ZNF22: variants seen among roughly 807,000 people sequenced by gnomAD.
The protein encoded by ZNF22 is zinc finger protein 22.
A neutral mutation model predicts 17.0 loss-of-function variants in ZNF22; 15 were observed. The observed-to-expected ratio is 0.88, with a 90% CI of 0.59 to 1.36. The LOEUF (loss-of-function observed/expected upper bound fraction) is 1.36. Ranked by LOEUF, ZNF22 falls within the 40% of genes most tolerant of loss-of-function variation. The pLI is 0.00. For missense variants in ZNF22, 272 were observed against 276.1 expected (o/e 0.98, Z 0.11); for synonymous variants, 84 against 90.7 (o/e 0.93, Z 0.42).
rs913714708 is a variant in ZNF22 at position 45,004,959 on chromosome 10, G to C, written c.*916G>C. The C allele has an allele frequency of 2.4e-5, 4 of 167,072 alleles. No individual in the cohort carries two copies. Among genetic ancestry groups the C allele is most frequent in the Non-Finnish European group, 4.4e-5 (3 of 68,128 alleles). The allele number at this position is 167,072 out of a possible 1,614,324, so 10.3% of individuals were successfully genotyped here. On this transcript the variant is annotated 3_prime_UTR_variant, in exon 2 of 2. Transcript: ENST00000298299. ...ATTTTACCAAGAAAAATCTCAGCTT[G>C]CTTACTGCTTAATTAAAAACCTACA...
Position 45,003,572 on chromosome 10 carries a change from A to G in ZNF22, c.204A>G (p.Ser68=), listed in dbSNP as rs1842351006. The part of the protein sequence containing the change: ...TECEKSFSQS[S]TLFQHQKIHT... The stretch of plus-strand genomic sequence containing the variant: ...GTGAAAAGAGTTTCAGTCAGAGTTC[A>G]ACTCTTTTTCAACACCAGAAGATCC... The change falls in exon 2 of 2, where the codon TCA becomes TCG. Residue 68 remains serine, a synonymous_variant. Coordinates refer to ENST00000298299, the MANE Select transcript of ZNF22 (RefSeq NM_006963.5). 1.9e-6 allele frequency: 3 copies of G among 1,614,102 alleles called. No homozygotes were observed. The highest frequency in any genetic ancestry group is 3.3e-5 in the Admixed American group (2 of 60,012).
chr10:45,002,621 G>A (rs892929129), intron 1 of ZNF22: 1 of 152,152 alleles, frequency 6.6e-6, no homozygotes, highest in Non-Finnish European at 1.5e-5. Flanking sequence ...ATAATAAAGC[G>A]TGTCTTCATA....
Position 45,000,991 on chromosome 10 carries a change from G to T in ZNF22, c.-90+13G>T. On this transcript the variant is annotated intron_variant, in intron 1 of 1. Coordinates refer to ENST00000298299, the MANE Select transcript of ZNF22 (RefSeq NM_006963.5). ...CTGGTCCCGCGCGGTGAGTGGGATTGGGGCACTTGGGGCGCTCGGGGCCTG... is the reference window on the plus strand; with the variant it reads ...CTGGTCCCGCGCGGTGAGTGGGATTTGGGCACTTGGGGCGCTCGGGGCCTG... The T allele has an allele frequency of 2.0e-6, 1 of 504,546 alleles. No homozygotes were observed. The highest frequency in any genetic ancestry group is 2.7e-6 in the Non-Finnish European group (1 of 365,022). 31.3% of individuals were successfully genotyped at this position (504,546 alleles called of 1,614,324 possible).
Position 45,003,832 on chromosome 10 carries a change from T to C in ZNF22, c.464T>C (p.Ile155Thr), listed in dbSNP as rs759504530. The change falls in exon 2 of 2, where the codon ATT (isoleucine) becomes ACT (threonine). Residue 155 changes from isoleucine (I) to threonine (T), a missense_variant. By Grantham distance (89) the Ile-to-Thr change is moderately conservative. Coordinates refer to ENST00000298299, the MANE Select transcript of ZNF22 (RefSeq NM_006963.5). Reference sequence around the variant, plus strand: ...TGTTTCAGCCAGAGCTCCCACCTTATTCAACATCAGAGAACCCACACTGGG... The same window carrying C: ...TGTTTCAGCCAGAGCTCCCACCTTACTCAACATCAGAGAACCCACACTGGG... ...GRCFSQSSHL[I>T]QHQRTHTGEK... 23 of 1,614,014 alleles carry C rather than the reference T, an allele frequency of 1.4e-5. No homozygotes were observed. The highest frequency in any genetic ancestry group is 1.3e-4 in the Admixed American group (8 of 60,004).
chr10:45,001,790 G>A (rs115467926), intron 1 of ZNF22, among the ~76,000 whole-genome samples: 2,079 of 152,066 alleles, frequency 0.014, 61 homozygotes, highest in African/African-American at 0.046. Context: ...TGCCTCATCC[G>A]TAGGTGGATT....
chr10:45,005,061 T>A lies in ZNF22; in HGVS notation c.*1018T>A, dbSNP rs1452578400. On this transcript the variant is annotated 3_prime_UTR_variant, in exon 2 of 2. Transcript: ENST00000298299. The stretch of plus-strand genomic sequence containing the variant: ...AAATGTTTGTCAACAACAAGAGTCG[T>A]AATGTGTCAGTACATTGTAGCTCCT... The A allele has an allele frequency of 6.0e-6, 1 of 166,962 alleles. No individual in the cohort carries two copies. The highest frequency in any genetic ancestry group is 1.5e-5 in the Non-Finnish European group (1 of 68,124). The allele number at this position is 166,962 out of a possible 1,614,324, so 10.3% of individuals were successfully genotyped here. A position where few individuals can be genotyped will look rare whatever the true frequency, so the allele number is the denominator to read the frequency against.
At position 45,003,853 on chromosome 10, in the gene ZNF22, C is replaced by A. The variant is rs146146132; in HGVS notation, c.485C>A (p.Thr162Asn). The change falls in exon 2 of 2, where the codon ACT becomes AAT. Residue 162 changes from threonine to asparagine, a missense_variant. By Grantham distance (65) the Thr-to-Asn change is moderately conservative. Transcript: ENST00000298299. Reference sequence around the variant, plus strand: ...CTTATTCAACATCAGAGAACCCACACTGGGGAGAAACCCTACCAGTGCAGT... The same window carrying A: ...CTTATTCAACATCAGAGAACCCACAATGGGGAGAAACCCTACCAGTGCAGT... ...SHLIQHQRTH[T>N]GEKPYQCSEC... 3.2e-4 allele frequency: 518 copies of A among 1,614,044 alleles called. No individual in the cohort carries two copies. The highest frequency in any genetic ancestry group is 4.2e-4 in the Non-Finnish European group (493 of 1,180,020).
Position 45,004,110 on chromosome 10 carries a change from A to G in ZNF22, c.*67A>G. On this transcript the variant is annotated 3_prime_UTR_variant, in exon 2 of 2. Transcript: ENST00000298299. Reference sequence around the variant, plus strand: ...AAATAAAAAGTAAAAAATGAAAGGAATCTTTTTTAGAAATAGAGATGCTTT... The same window carrying G: ...AAATAAAAAGTAAAAAATGAAAGGAGTCTTTTTTAGAAATAGAGATGCTTT... 1 of 1,468,790 alleles carries G rather than the reference A, an allele frequency of 6.8e-7. No homozygotes were observed. Among genetic ancestry groups the G allele is most frequent in the South Asian group, 1.4e-5 (1 of 71,984 alleles). 91.0% of individuals were successfully genotyped at this position (1,468,790 alleles called of 1,614,324 possible). A position where few individuals can be genotyped will look rare whatever the true frequency, so the allele number is the denominator to read the frequency against.
chr10:45,003,270 C>G lies in ZNF22; in HGVS notation c.-89-10C>G. On this transcript the variant is annotated splice_polypyrimidine_tract_variant and intron_variant, in intron 1 of 1. Transcript: ENST00000298299. ...GATCATCTCTAAATTTTTTTTCCTT[C>G]TACACACAGAAAATTCTGAGCTGTA... is the stretch of plus-strand genomic sequence containing the variant. 1 of 1,226,736 alleles carries G rather than the reference C, an allele frequency of 8.2e-7. No individual in the cohort carries two copies. The highest frequency in any genetic ancestry group is 1.1e-6 in the Non-Finnish European group (1 of 904,426). The allele number at this position is 1,226,736 out of a possible 1,614,324, so 76.0% of individuals were successfully genotyped here. A position where few individuals can be genotyped will look rare whatever the true frequency, so the allele number is the denominator to read the frequency against.
At chr10:45,002,038 A>G (rs1210513081) in intron 1 of ZNF22, among the ~76,000 whole-genome samples, 1 of 152,240 alleles carries the variant, frequency 6.6e-6, no homozygotes, top group Non-Finnish European at 1.5e-5. Flanking sequence ...CCATAATTAC[A>G]GCTGATGTAA....
At position 45,005,092 on chromosome 10, in the gene ZNF22, A is replaced by C; in HGVS notation, c.*1049A>C. 1 of 166,978 alleles carries C rather than the reference A, an allele frequency of 6.0e-6. No individual in the cohort carries two copies. Among genetic ancestry groups the C allele is most frequent in the Non-Finnish European group, 1.5e-5 (1 of 68,124 alleles). 10.3% of individuals were successfully genotyped at this position (166,978 alleles called of 1,614,324 possible). A position where few individuals can be genotyped will look rare whatever the true frequency, so the allele number is the denominator to read the frequency against. Reference sequence around the variant, plus strand: ...GTCAGTACATTGTAGCTCCTTTGAAATTTAACTCTTTCTGTGTTACATGAA... The same window carrying C: ...GTCAGTACATTGTAGCTCCTTTGAACTTTAACTCTTTCTGTGTTACATGAA... On this transcript the variant is annotated 3_prime_UTR_variant, in exon 2 of 2. Transcript: ENST00000298299.
Position 45,003,999 on chromosome 10 carries a change from T to G in ZNF22, c.631T>G (p.Trp211Gly), listed in dbSNP as rs755994550. Residue 211 changes from tryptophan to glycine, a missense_variant, in exon 2 of 2, where the codon TGG becomes GGG. Transcript: ENST00000298299. The part of the protein sequence containing the change: ...NIRVKTHLPS[W>G]KAGTGRKSVA... ...CAGGGTGAAGACTCACTTACCCTCT[T>G]GGAAAGCTGGTACAGGAAGGAAGTC... The G allele has an allele frequency of 6.2e-7, 1 of 1,613,976 alleles. No homozygotes were observed. Among genetic ancestry groups the G allele is most frequent in the Non-Finnish European group, 8.5e-7 (1 of 1,179,938 alleles).
chr10:45,003,267 C>T lies in ZNF22; in HGVS notation c.-89-13C>T. On this transcript the variant is annotated splice_polypyrimidine_tract_variant and intron_variant, in intron 1 of 1. Coordinates refer to ENST00000298299, the MANE Select transcript of ZNF22 (RefSeq NM_006963.5). ...TCTGATCATCTCTAAATTTTTTTTCCTTCTACACACAGAAAATTCTGAGCT... is the reference window on the plus strand; with the variant it reads ...TCTGATCATCTCTAAATTTTTTTTCTTTCTACACACAGAAAATTCTGAGCT... The T allele has an allele frequency of 7.5e-6, 9 of 1,195,266 alleles. No homozygotes were observed. The highest frequency in any genetic ancestry group is 2.0e-5 in the South Asian group (1 of 50,864). 74.0% of individuals were successfully genotyped at this position (1,195,266 alleles called of 1,614,324 possible).
chr10:45,003,359 G>A lies in ZNF22; in HGVS notation c.-10G>A, dbSNP rs1459782180. ...GTAAACTCTCTTACAAATACATTTG[G>A]TTATTCACCATGAGGTTAGCAAAGC... On this transcript the variant is annotated 5_prime_UTR_variant, in exon 2 of 2. Coordinates refer to ENST00000298299, the MANE Select transcript of ZNF22 (RefSeq NM_006963.5). 1 of 1,573,286 alleles carries A rather than the reference G, an allele frequency of 6.4e-7. No individual in the cohort carries two copies. The highest frequency in any genetic ancestry group is 1.2e-5 in the South Asian group (1 of 84,976).
In ZNF22 at chr10:45,003,848, C is replaced by G. The variant is rs1842353169; in HGVS notation, c.480C>G (p.Thr160=). 1.9e-6 allele frequency: 3 copies of G among 1,613,972 alleles called. No homozygotes were observed. Among genetic ancestry groups the G allele is most frequent in the African/African-American group, 2.7e-5 (2 of 74,860 alleles). The change falls in exon 2 of 2, where the codon ACC becomes ACG. Residue 160 remains threonine (T), a synonymous_variant. Coordinates refer to ENST00000298299, the MANE Select transcript of ZNF22 (RefSeq NM_006963.5). ...QSSHLIQHQR[T]HTGEKPYQCS... ...CCCACCTTATTCAACATCAGAGAAC[C>G]CACACTGGGGAGAAACCCTACCAGT...
At chr10:45,002,788 CTTA>C (rs1842344830) in intron 1 of ZNF22, 1 of 152,194 alleles carries the variant, frequency 6.6e-6, no homozygotes. Flanking sequence ...TTTGTCATTT[CTTA>C]TTCATTTGGA....
At chr10:45,001,284 G>T (rs910582606) in intron 1 of ZNF22, among the ~76,000 whole-genome samples, 5 of 151,888 alleles carry the variant, frequency 3.3e-5, no homozygotes, top group African/African-American at 1.2e-4. Context: ...AACTGGGCGG[G>T]TGAGCAGCAG....
Position 45,005,040 on chromosome 10 carries a change from G to A in ZNF22, c.*997G>A, listed in dbSNP as rs564098530. ...GAGCTTTGGATAGCCCTGCTTAAAT[G>A]TTTGTCAACAACAAGAGTCGTAATG... is the stretch of plus-strand genomic sequence containing the variant. On this transcript the variant is annotated 3_prime_UTR_variant, in exon 2 of 2. Transcript: ENST00000298299. The A allele has an allele frequency of 6.0e-6, 1 of 167,058 alleles. No homozygotes were observed. Among genetic ancestry groups the A allele is most frequent in the African/African-American group, 2.4e-5 (1 of 41,590 alleles). The allele number at this position is 167,058 out of a possible 1,614,324, so 10.3% of individuals were successfully genotyped here. A position where few individuals can be genotyped will look rare whatever the true frequency, so the allele number is the denominator to read the frequency against.
chr10:45,003,244 T>C, intron 1 of ZNF22, 36 bp from the exon 2 acceptor site: 7 of 827,146 alleles, frequency 8.5e-6, no homozygotes, highest in Non-Finnish European at 1.2e-5. Context: ...ATTTTTTTTC[T>C]GATCATCTCT....
Sources: gnomAD v4.1 joint callset for allele counts (sites outside exome capture counted in the v4.1 genomes callset) on GRCh38, gnomAD v4.1.1 for gene constraint, MANE v1.5 for transcripts, NCBI Gene and HGNC (gene_info 2026-07-23, HGNC 2026-07-21) for gene names.